Variants in ADAMTS12 observed in about 807,000 individuals in gnomAD.
The protein encoded by ADAMTS12 is A disintegrin and metalloproteinase with thrombospondin motifs 12.
Under a neutral mutation model 167.8 loss-of-function variants are expected in ADAMTS12, and 118 were observed. The ratio of observed to expected loss-of-function variants is 0.70; its 90% CI spans 0.61 to 0.82. ADAMTS12 has a LOEUF of 0.82. Ranked by LOEUF, ADAMTS12 falls within the 40% of genes least tolerant of loss-of-function variation. ADAMTS12 has a pLI of 0.00. For missense variants in ADAMTS12, 1,916 were observed against 1,998.8 expected, an observed-to-expected ratio of 0.96 and a Z score of 0.79; for synonymous variants, 704 against 716.9, an observed-to-expected ratio of 0.98 and a Z score of 0.29.
intron 7 of ADAMTS12, among the ~76,000 whole-genome samples, chr5:33,654,454 G>A (rs1029030960): frequency 2.0e-5 from 3 of 152,062 alleles, no homozygotes; most frequent in Non-Finnish European, 4.4e-5. Context: ...GAAGGGAGTG[G>A]GGCCACTGCT....
chr5:33,604,027 A>G (rs572273559), intron 16 of ADAMTS12, among the ~76,000 whole-genome samples: 4 of 152,324 alleles, frequency 2.6e-5, no homozygotes, highest in South Asian at 4.2e-4. Context: ...TGCAGTTAAT[A>G]TAAGTATAAA....
rs149689672 is a variant in ADAMTS12 at position 33,669,368 on chromosome 5, G to C, written c.916-7328C>G. Among the ~76,000 whole-genome samples, 1,494 of 152,214 alleles carry C rather than the reference G, an allele frequency of 9.8e-3. 15 individuals carry two copies. Among genetic ancestry groups the C allele is most frequent in the Non-Finnish European group, 0.014 (978 of 68,010 alleles). On this transcript the variant is annotated intron_variant, in intron 5 of 23. Coordinates refer to ENST00000504830, the MANE Select transcript of ADAMTS12 (RefSeq NM_030955.4). ...TGCCCATGAGGATGTTGCCCATGGG[G>C]ATGGGGAAGCTCTTACCCAAACCAT...
intron 2 of ADAMTS12, among the ~76,000 whole-genome samples, chr5:33,878,142 C>G (rs1481817726): frequency 6.6e-6 from 1 of 152,208 alleles, no homozygotes; most frequent in Non-Finnish European, 1.5e-5. Context: ...AAGTCAGGTA[C>G]AAGTCCAACC....
chr5:33,642,238 C>G (rs565391422), intron 10 of ADAMTS12, among the ~76,000 whole-genome samples: 1 of 152,208 alleles, frequency 6.6e-6, no homozygotes, highest in African/African-American at 2.4e-5. Context: ...AATCAACATA[C>G]TACTTTTTTC....
At chr5:33,666,861 A>G (rs974172414) in intron 5 of ADAMTS12, among the ~76,000 whole-genome samples, 1 of 152,196 alleles carries the variant, frequency 6.6e-6, no homozygotes, top group Non-Finnish European at 1.5e-5. Context: ...TAACAGATTA[A>G]TCCGTTTTTT....
At chr5:33,598,060 G>T (rs138275615) in intron 16 of ADAMTS12, among the ~76,000 whole-genome samples, 10 of 152,252 alleles carry the variant, frequency 6.6e-5, no homozygotes, top group Non-Finnish European at 1.5e-4. Context: ...ACATGGCATG[G>T]GTCAATCCAC....
chr5:33,614,096 C>T (rs1738863708), intron 16 of ADAMTS12, 142 bp downstream of exon 16: 6 of 1,143,216 alleles, frequency 5.2e-6, no homozygotes, highest in Non-Finnish European at 7.2e-6. Flanking sequence ...CCCATGTTCA[C>T]TGTCCGCAGA....
At position 33,832,431 on chromosome 5, in the gene ADAMTS12, T is replaced by A. The variant is rs1410242671; in HGVS notation, c.489+48688A>T. Among the ~76,000 whole-genome samples the A allele has an allele frequency of 2.6e-5, 4 of 152,306 alleles. No homozygotes were observed. The East Asian group carries it at 7.7e-4, about 29-fold the overall frequency. On this transcript the variant is annotated intron_variant, in intron 2 of 23. Coordinates refer to ENST00000504830, the MANE Select transcript of ADAMTS12 (RefSeq NM_030955.4). ...ACCCTTTGGATATGGGCACAGTACA[T>A]CTACTTAAAGTCACTATATGAAAAC...
At chr5:33,774,825 T>C (rs903492704) in intron 2 of ADAMTS12, among the ~76,000 whole-genome samples, 1 of 152,246 alleles carries the variant, frequency 6.6e-6, no homozygotes, top group South Asian at 2.1e-4. Flanking sequence ...CTCCCGCTGA[T>C]TTGTTCTTTA....
At chr5:33,599,383 T>C (rs1041265129) in intron 16 of ADAMTS12, among the ~76,000 whole-genome samples, 1 of 152,200 alleles carries the variant, frequency 6.6e-6, no homozygotes, top group African/African-American at 2.4e-5. Context: ...ATTTTTCATG[T>C]TCTTTTCTCT....
chr5:33,803,022 C>G (rs1747070517), intron 2 of ADAMTS12, among the ~76,000 whole-genome samples: 1 of 152,086 alleles, frequency 6.6e-6, no homozygotes, highest in Non-Finnish European at 1.5e-5. Flanking sequence ...CAGCAAGTGT[C>G]ACTGATATTA....
Position 33,644,333 on chromosome 5 carries a change from C to A in ADAMTS12, c.1480-863G>T. The stretch of plus-strand genomic sequence containing the variant: ...TCTCAATCTTGTTGTATATGAAAAC[C>A]GAAGAAACTTTCTCCTCCATCACAC... On this transcript the variant is annotated intron_variant, in intron 9 of 23. Coordinates refer to ENST00000504830, the MANE Select transcript of ADAMTS12 (RefSeq NM_030955.4). Among the ~76,000 whole-genome samples, 2 of 152,250 alleles carry A rather than the reference C, an allele frequency of 1.3e-5. 1 individual carries two copies. Among genetic ancestry groups the A allele is most frequent in the South Asian group, 4.2e-4 (2 of 4,818 alleles).
chr5:33,597,153 G>A (rs949666615), intron 16 of ADAMTS12, among the ~76,000 whole-genome samples: 1 of 152,192 alleles, frequency 6.6e-6, no homozygotes, highest in Non-Finnish European at 1.5e-5. Context: ...GGTTGAGAAA[G>A]GGAAAGGACC....
At chr5:33,805,859 G>T (rs1352111692) in intron 2 of ADAMTS12, among the ~76,000 whole-genome samples, 1 of 151,220 alleles carries the variant, frequency 6.6e-6, no homozygotes, top group Non-Finnish European at 1.5e-5. Flanking sequence ...TTGCACTCCA[G>T]CCTGGGCAAC....
At chr5:33,583,832 AT>A in intron 18 of ADAMTS12, among the ~76,000 whole-genome samples, 1 of 152,064 alleles carries the variant, frequency 6.6e-6, no homozygotes, top group African/African-American at 2.4e-5. Flanking sequence ...GAAAGGCTTT[AT>A]TTTTTTCCTG....
chr5:33,649,605 G>T lies in ADAMTS12; in HGVS notation c.1283C>A (p.Thr428Asn). 1 of 1,614,090 alleles carries T rather than the reference G, an allele frequency of 6.2e-7. No homozygotes were observed. Among genetic ancestry groups the T allele is most frequent in the Non-Finnish European group, 8.5e-7 (1 of 1,179,930 alleles). Residue 428 changes from threonine to asparagine, a missense_variant, in exon 8 of 24, where the codon ACT (threonine) becomes AAT (asparagine). By Grantham distance (65) the Thr-to-Asn change is moderately conservative. Transcript: ENST00000504830. ...GCTGCACTTGGACCATGTCAGCGGA[G>T]TGGGATCGTACTGGAGCTGGCGGGA... ...IMSRQLQYDP[T>N]PLTWSKCSEE...
intron 2 of ADAMTS12, among the ~76,000 whole-genome samples, chr5:33,859,399 C>T (rs1749521431): frequency 6.6e-6 from 1 of 152,236 alleles, no homozygotes; most frequent in Admixed American, 6.5e-5. Flanking sequence ...CCAGGAAGAT[C>T]AAACTGGGCG....
At chr5:33,556,600 G>A (rs895840870) in intron 20 of ADAMTS12, among the ~76,000 whole-genome samples, 1 of 152,186 alleles carries the variant, frequency 6.6e-6, no homozygotes, top group Admixed American at 6.5e-5. Context: ...GAGCCATAAC[G>A]TGGGAAGGCC....
intron 3 of ADAMTS12, among the ~76,000 whole-genome samples, chr5:33,727,724 T>G (rs1204614786): frequency 6.6e-6 from 1 of 152,204 alleles, no homozygotes; most frequent in Admixed American, 6.5e-5. Flanking sequence ...TTTGAACGAT[T>G]AGCGCTGGTT....
Sources: gnomAD v4.1 joint callset for allele counts (sites outside exome capture counted in the v4.1 genomes callset) on GRCh38, gnomAD v4.1.1 for gene constraint, MANE v1.5 for transcripts, NCBI Gene and HGNC (gene_info 2026-07-23, HGNC 2026-07-21) for gene names.